The following IMMP2L variants were observed in gnomAD, a reference collection of about 807,000 sequenced individuals.
IMMP2L encodes mitochondrial inner membrane protease subunit 2.
IMMP2L carries 18 observed loss-of-function variants against 19.3 expected under a neutral mutation model. The ratio of observed to expected loss-of-function variants is 0.93; its 90% confidence interval spans 0.64 to 1.38. The LOEUF (loss-of-function observed/expected upper bound fraction) is 1.38, where lower values mean the gene tolerates loss of function less well. IMMP2L is among the 40% of genes most tolerant of loss of function. The pLI is 0.00. For synonymous variants in IMMP2L, 76 were observed against 73.0 expected (o/e 1.04, Z -0.21); for missense variants, 233 against 218.2 (o/e 1.07, Z -0.43).
intron 3 of IMMP2L, among the ~76,000 whole-genome samples, chr7:111,127,745 C>A (rs575527502): frequency 6.6e-6 from 1 of 152,036 alleles, no homozygotes; most frequent in African/African-American, 2.4e-5. Context: ...ACAAATAAAA[C>A]GCTAAAGTTT....
At chr7:111,543,885 C>G (rs1848688672) in intron 1 of IMMP2L, among the ~76,000 whole-genome samples, 1 of 152,092 alleles carries the variant, frequency 6.6e-6, no homozygotes, top group Non-Finnish European at 1.5e-5. Context: ...TTCCGCACAT[C>G]TCCTAGCAGG....
At chr7:111,260,113 A>G (rs1272997940) in intron 3 of IMMP2L, among the ~76,000 whole-genome samples, 1 of 152,214 alleles carries the variant, frequency 6.6e-6, no homozygotes, top group Non-Finnish European at 1.5e-5. Context: ...AAAATGATTA[A>G]AAGTATAGCA....
At chr7:111,187,921 C>G (rs916800734) in intron 3 of IMMP2L, among the ~76,000 whole-genome samples, 6 of 151,954 alleles carry the variant, frequency 3.9e-5, no homozygotes, top group Admixed American at 3.3e-4. Context: ...AGATTTACAT[C>G]CATATTGATG....
chr7:110,754,873 C>G (rs754704270), intron 5 of IMMP2L, among the ~76,000 whole-genome samples: 2 of 151,806 alleles, frequency 1.3e-5, no homozygotes, highest in Non-Finnish European at 2.9e-5. Flanking sequence ...CCTCGGAGAA[C>G]CAGGGAATAC....
chr7:111,273,423 A>G (rs1183047597), intron 3 of IMMP2L, among the ~76,000 whole-genome samples: 1 of 152,158 alleles, frequency 6.6e-6, no homozygotes, highest in Non-Finnish European at 1.5e-5. Context: ...TAAGGAGGTT[A>G]CCATGAGCTC....
chr7:111,463,330 C>A (rs1840314577), intron 3 of IMMP2L, among the ~76,000 whole-genome samples: 1 of 152,038 alleles, frequency 6.6e-6, no homozygotes, highest in South Asian at 2.1e-4. Flanking sequence ...CCAACTCAAC[C>A]CATAACATGT....
At chr7:110,908,193 C>T (rs1585221853) in intron 4 of IMMP2L, among the ~76,000 whole-genome samples, 2 of 152,244 alleles carry the variant, frequency 1.3e-5, no homozygotes, top group Middle Eastern at 3.4e-3. Context: ...TCTCTGCATC[C>T]AGCAACCTCA....
At chr7:111,002,741 T>C (rs565383820) in intron 3 of IMMP2L, among the ~76,000 whole-genome samples, 38 of 152,324 alleles carry the variant, frequency 2.5e-4, no homozygotes, top group African/African-American at 8.9e-4. Flanking sequence ...CTAAGTCAGT[T>C]TCCACTGCAT....
intron 3 of IMMP2L, among the ~76,000 whole-genome samples, chr7:111,187,938 C>T (rs1808453400): frequency 6.6e-6 from 1 of 152,058 alleles, no homozygotes; most frequent in Non-Finnish European, 1.5e-5. Context: ...GATGCTATTG[C>T]TTCCAAAAGG....
At chr7:111,207,876 A>G (rs1586832531) in intron 3 of IMMP2L, among the ~76,000 whole-genome samples, 1 of 152,042 alleles carries the variant, frequency 6.6e-6, no homozygotes, top group Admixed American at 6.6e-5. Flanking sequence ...ATTTTACTCT[A>G]CCAGCCTTTT....
intron 5 of IMMP2L, among the ~76,000 whole-genome samples, chr7:110,667,044 T>C (rs1258528015): frequency 6.6e-6 from 1 of 152,168 alleles, no homozygotes; most frequent in Non-Finnish European, 1.5e-5. Flanking sequence ...GCTAATTTTT[T>C]GTATTTTTAG....
At chr7:110,706,996 TTTTTTTAA>T (rs1794738217) in intron 5 of IMMP2L, among the ~76,000 whole-genome samples, 3 of 53,184 alleles carry the variant, frequency 5.6e-5, no homozygotes, top group Admixed American at 4.0e-4. Flanking sequence ...CTTAAATTTT[TTTTTTTAA>T]TTTTTTTTTT....
chr7:111,049,219 C>T lies in IMMP2L; in HGVS notation c.240-85654G>A, dbSNP rs548581104. On this transcript the variant is annotated intron_variant, in intron 3 of 5. Coordinates refer to ENST00000405709, the MANE Select transcript of IMMP2L (RefSeq NM_032549.4). ...CATCTCGGCTCACTGCAAGCTCCGC[C>T]TCCCGGGTTCACGCCATTCTTCTGC... 3.3e-3 allele frequency among the ~76,000 whole-genome samples: 473 copies of T among 141,564 alleles called. 2 individuals carry two copies. Among genetic ancestry groups the T allele is most frequent in the Admixed American group, 5.6e-3 (72 of 12,894 alleles). 92.9% of individuals were successfully genotyped at this position (141,564 alleles called of 152,430 possible). A position where few individuals can be genotyped will look rare whatever the true frequency, so the allele number is the denominator to read the frequency against.
chr7:111,122,649 T>C lies in IMMP2L; in HGVS notation c.240-159084A>G, dbSNP rs1586426460. 2.4e-5 allele frequency: 18 copies of C among 753,390 alleles called. No individual in the cohort carries two copies. In the East Asian group the frequency reaches 3.2e-4, roughly 13 times the overall value. The allele number at this position is 753,390 out of a possible 1,614,324, so 46.7% of individuals were successfully genotyped here. ...ATTTCAGTGAAGAAAAACTTTGTGG[T>C]TCTATGGCATTCATCATTTGACAAA... On this transcript the variant is annotated intron_variant, in intron 3 of 5. Transcript: ENST00000405709.
intron 5 of IMMP2L, among the ~76,000 whole-genome samples, chr7:110,785,214 G>T (rs930073440): frequency 4.0e-5 from 6 of 151,854 alleles, no homozygotes; most frequent in East Asian, 1.9e-4. Flanking sequence ...ATGTGTTTTA[G>T]CCAGAAAAAT....
At chr7:111,238,310 G>A (rs1814583125) in intron 3 of IMMP2L, among the ~76,000 whole-genome samples, 1 of 151,526 alleles carries the variant, frequency 6.6e-6, no homozygotes, top group South Asian at 2.1e-4. Flanking sequence ...GAACCTGTAA[G>A]GTTTTAAATC....
Position 110,935,111 on chromosome 7 carries a change from T to C in IMMP2L, c.305+28389A>G, listed in dbSNP as rs181234755. Reference sequence around the variant, plus strand: ...TAGTGTTGATGGTCTTTACGATTTGTTATGTTTTTTCAGTGGCTGGTACTG... The same window carrying C: ...TAGTGTTGATGGTCTTTACGATTTGCTATGTTTTTTCAGTGGCTGGTACTG... On this transcript the variant is annotated intron_variant, in intron 4 of 5. Transcript: ENST00000405709. Among the ~76,000 whole-genome samples the C allele has an allele frequency of 6.0e-3, 916 of 152,270 alleles. 6 individuals carry two copies. Among genetic ancestry groups the C allele is most frequent in the Non-Finnish European group, 8.1e-3 (549 of 67,994 alleles).
intron 3 of IMMP2L, among the ~76,000 whole-genome samples, chr7:111,298,966 C>T (rs1821921243): frequency 6.6e-6 from 1 of 151,972 alleles, no homozygotes; most frequent in African/African-American, 2.4e-5. Context: ...TATAAGCAAA[C>T]ATAGTCTGTG....
chr7:111,030,809 CAT>C lies in IMMP2L; in HGVS notation c.240-67246_240-67245del, dbSNP rs1287307239. Among the ~76,000 whole-genome samples, 12 of 145,922 alleles carry C rather than the reference CAT, an allele frequency of 8.2e-5. No homozygotes were observed. The South Asian group carries it at 2.0e-3, about 24-fold the overall frequency. ...ATATATATGTGTATGTGTGTACATA[CAT>C]ATGTGTGTATATGTGTCTGTGTATA... On this transcript the variant is annotated intron_variant, in intron 3 of 5. Transcript: ENST00000405709.
Sources: allele counts gnomAD v4.1 joint callset (sites outside exome capture counted in the v4.1 genomes callset), GRCh38; gene constraint gnomAD v4.1.1; transcripts MANE v1.5; gene names NCBI Gene and HGNC (gene_info 2026-07-23, HGNC 2026-07-21).